MAMLD1: variants seen among roughly 807,000 people sequenced by gnomAD.
MAMLD1 encodes mastermind like domain containing 1, also known as mastermind-like domain-containing protein 1.
Under a neutral mutation model 45.0 loss-of-function variants are expected in MAMLD1, and 14 were observed. That is an observed-to-expected ratio of 0.31 (90% CI 0.21 to 0.49). MAMLD1 has a LOEUF of 0.49. Ranked by LOEUF, MAMLD1 falls within the 20% of genes least tolerant of loss-of-function variation. The pLI is 0.99. For missense variants in MAMLD1, 543 were observed against 603.6 expected, an observed-to-expected ratio of 0.90 and a Z score of 1.05; for synonymous variants, 254 against 247.8, an observed-to-expected ratio of 1.02 and a Z score of -0.24.
At chrX:150,445,682 G>A in intron 2 of MAMLD1, 70 bp downstream of exon 2, 2 of 837,201 alleles carry the variant, frequency 2.4e-6, no homozygotes, top group Non-Finnish European at 3.5e-6. Context: ...CGTAAGATGT[G>A]TTATTGAAAT....
intron 1 of MAMLD1, among the ~76,000 whole-genome samples, chrX:150,370,760 T>G (rs2031916381): frequency 9.0e-6 from 1 of 111,534 alleles, no homozygotes; most frequent in Non-Finnish European, 1.9e-5. Context: ...AACCTCGAGT[T>G]TTCTCCTAAA....
chrX:150,413,191 T>C (rs1449628980), intron 1 of MAMLD1, among the ~76,000 whole-genome samples: 6 of 111,982 alleles, frequency 5.4e-5, no homozygotes, highest in African/African-American at 1.6e-4. Context: ...TACTTATTCA[T>C]GGATCTTGAG....
chrX:150,511,141 C>T (rs1276972946), intron 7 of MAMLD1, among the ~76,000 whole-genome samples: 1 of 112,046 alleles, frequency 8.9e-6, no homozygotes, highest in African/African-American at 3.2e-5. Flanking sequence ...TGCACTGTCT[C>T]CCCTACCTGA....
intron 2 of MAMLD1, among the ~76,000 whole-genome samples, chrX:150,455,487 G>C (rs1172739597): frequency 9.0e-6 from 1 of 110,742 alleles, no homozygotes; most frequent in Non-Finnish European, 1.9e-5. Flanking sequence ...AGAGTAGAAG[G>C]AGAGATCATA....
intron 1 of MAMLD1, among the ~76,000 whole-genome samples, chrX:150,412,588 T>C (rs2034150097): frequency 1.8e-5 from 2 of 111,427 alleles, no homozygotes; most frequent in Non-Finnish European, 3.8e-5. Flanking sequence ...GGAGTTTGCC[T>C]TAAGCCCTTA....
At chrX:150,496,295 C>A (rs1332791766) in intron 5 of MAMLD1, among the ~76,000 whole-genome samples, 1 of 112,356 alleles carries the variant, frequency 8.9e-6, no homozygotes, top group Non-Finnish European at 1.9e-5. Flanking sequence ...CGGTTAAGAG[C>A]CTGGATTTTC....
intron 1 of MAMLD1, among the ~76,000 whole-genome samples, chrX:150,392,570 C>A (rs2124497012): frequency 9.1e-6 from 1 of 110,228 alleles, no homozygotes; most frequent in South Asian, 3.9e-4. Flanking sequence ...AGAGGACCGA[C>A]ATCTGCTTAC....
chrX:150,368,497 C>T (rs1482466889), intron 1 of MAMLD1, among the ~76,000 whole-genome samples: 1 of 109,488 alleles, frequency 9.1e-6, no homozygotes, highest in Non-Finnish European at 1.9e-5. Context: ...AAAATTTTCT[C>T]CCGTTCTGTA....
At chrX:150,453,734 C>T (rs1255056321) in intron 2 of MAMLD1, among the ~76,000 whole-genome samples, 1 of 111,715 alleles carries the variant, frequency 9.0e-6, no homozygotes, top group East Asian at 2.8e-4. Flanking sequence ...TTCCCTGGTG[C>T]ATTGTGTGAC....
chrX:150,409,684 C>T (rs2034078504), intron 1 of MAMLD1, among the ~76,000 whole-genome samples: 1 of 111,815 alleles, frequency 8.9e-6, no homozygotes. Flanking sequence ...CTCATCCTTT[C>T]CTCTGATAAT....
chrX:150,380,093 G>A (rs1049491918), intron 1 of MAMLD1, among the ~76,000 whole-genome samples: 5 of 112,247 alleles, frequency 4.5e-5, no homozygotes, highest in African/African-American at 1.6e-4. Context: ...GTTTTGTTAG[G>A]TATTGCCAAA....
chrX:150,383,620 A>G (rs2032777634), intron 1 of MAMLD1, among the ~76,000 whole-genome samples: 1 of 111,319 alleles, frequency 9.0e-6, no homozygotes, highest in Non-Finnish European at 1.9e-5. Context: ...TACCATTCAC[A>G]TACCACCGAA....
chrX:150,511,914 G>A (rs1316032961), intron 7 of MAMLD1, 90 bp from the exon 8 acceptor site: 29 of 860,728 alleles, frequency 3.4e-5, no homozygotes, highest in East Asian at 7.5e-5. Context: ...TGAGAAGTCC[G>A]TGTTGGGCCA....
chrX:150,473,820 G>A lies in MAMLD1; in HGVS notation c.2040+18G>A. On this transcript the variant is annotated intron_variant, in intron 5 of 7. Coordinates refer to ENST00000370401, the MANE Select transcript of MAMLD1 (RefSeq NM_005491.5). ...CTAACATTGTGAGCCTTTCTGTTTTGTTTTGTCTTCAATTGGGTACATTTT... is the reference window on the plus strand; with the variant it reads ...CTAACATTGTGAGCCTTTCTGTTTTATTTTGTCTTCAATTGGGTACATTTT... 1.7e-6 allele frequency: 2 copies of A among 1,207,671 alleles called. No individual in the cohort carries two copies. Among genetic ancestry groups the A allele is most frequent in the Non-Finnish European group, 2.2e-6 (2 of 891,932 alleles).
rs781975014 is a variant in MAMLD1, at chrX:150,368,053, A to C, written c.-64+4523A>C. ...ATGTGTCTTTATAGCAGCATGATTT[A>C]TAATCCTTTGGGTATATACCCAGTA... On this transcript the variant is annotated intron_variant, in intron 1 of 7. Transcript: ENST00000370401. Among the ~76,000 whole-genome samples the C allele has an allele frequency of 9.0e-3, 1,005 of 111,568 alleles. 10 individuals are homozygous for C. The highest frequency in any genetic ancestry group is 0.032 in the African/African-American group (977 of 30,571).
At chrX:150,410,690 A>G (rs1304600856) in intron 1 of MAMLD1, among the ~76,000 whole-genome samples, 1 of 112,340 alleles carries the variant, frequency 8.9e-6, no homozygotes, top group African/African-American at 3.2e-5. Flanking sequence ...ACATCCTTAC[A>G]AGGCAGATGC....
chrX:150,401,812 C>A (rs1340606498), intron 1 of MAMLD1, among the ~76,000 whole-genome samples: 4 of 110,930 alleles, frequency 3.6e-5, no homozygotes, highest in African/African-American at 1.3e-4. Context: ...GAAAAACAAG[C>A]AATGGGGAAA....
chrX:150,477,920 G>C (rs1199681298), intron 5 of MAMLD1, among the ~76,000 whole-genome samples: 5 of 111,347 alleles, frequency 4.5e-5, no homozygotes, highest in African/African-American at 1.6e-4. Context: ...AGGAAAGCTG[G>C]TCCTGCATAG....
chrX:150,390,484 G>A (rs185778641), intron 1 of MAMLD1, among the ~76,000 whole-genome samples: 1 of 111,723 alleles, frequency 9.0e-6, no homozygotes, highest in East Asian at 2.8e-4. Context: ...AATTTTCTTA[G>A]CATTTACTCT....
Sources: gnomAD v4.1 joint callset for allele counts (sites outside exome capture counted in the v4.1 genomes callset) on GRCh38, gnomAD v4.1.1 for gene constraint, MANE v1.5 for transcripts, NCBI Gene and HGNC (gene_info 2026-07-23, HGNC 2026-07-21) for gene names.